DNTTIP1: variants seen among roughly 807,000 people sequenced by gnomAD.
DNTTIP1 encodes the protein deoxynucleotidyltransferase terminal-interacting protein 1.
In DNTTIP1, 22 loss-of-function variants were observed where a neutral mutation model predicts 52.9. The observed-to-expected ratio is 0.42, with a 90% CI of 0.30 to 0.59. The LOEUF (loss-of-function observed/expected upper bound fraction) is 0.59. Ranked by LOEUF, DNTTIP1 falls within the 20% of genes least tolerant of loss-of-function variation. DNTTIP1 has a pLI of 0.22. For synonymous variants in DNTTIP1, 136 were observed against 155.1 expected, an observed-to-expected ratio of 0.88 and a Z score of 0.92; for missense variants, 286 against 435.5, an observed-to-expected ratio of 0.66 and a Z score of 3.06.
In DNTTIP1 at chr20:45,792,041, C is replaced by T; in HGVS notation, c.37C>T (p.Pro13Ser). The T allele has an allele frequency of 2.3e-6, 3 of 1,278,888 alleles. No individual in the cohort carries two copies. Among genetic ancestry groups the T allele is most frequent in the Non-Finnish European group, 3.0e-6 (3 of 1,011,818 alleles). The allele number at this position is 1,278,888 out of a possible 1,614,324, so 79.2% of individuals were successfully genotyped here. A position where few individuals can be genotyped will look rare whatever the true frequency, so the allele number is the denominator to read the frequency against. The change falls in exon 1 of 13, where the codon CCT becomes TCT. Residue 13 changes from proline to serine, a missense_variant. Physicochemically the swap from Pro to Ser is moderately conservative, Grantham distance 74. Coordinates refer to ENST00000372622, the MANE Select transcript of DNTTIP1 (RefSeq NM_052951.3). ...TGGCGACGCCGAGCAGCCGCGGGGA[C>T]CTAGCGGGGCCGAGAGGGGCGGCTT... ...ATGDAEQPRG[P>S]SGAERGGLEL... is the part of the protein sequence containing the mutation.
chr20:45,809,040 A>G lies in DNTTIP1; in HGVS notation c.724-74A>G. 1.5e-6 allele frequency: 2 copies of G among 1,342,368 alleles called. No individual in the cohort carries two copies. Among genetic ancestry groups the G allele is most frequent in the Admixed American group, 1.7e-5 (1 of 57,928 alleles). The allele number at this position is 1,342,368 out of a possible 1,614,324, so 83.2% of individuals were successfully genotyped here. A position where few individuals can be genotyped will look rare whatever the true frequency, so the allele number is the denominator to read the frequency against. ...TTTGGTAAGAACTGCTCAAGGGCCAAGAGTATGCTCTGGGACCAAATGAGA... is the reference window on the plus strand; with the variant it reads ...TTTGGTAAGAACTGCTCAAGGGCCAGGAGTATGCTCTGGGACCAAATGAGA... On this transcript the variant is annotated intron_variant, in intron 10 of 12. Transcript: ENST00000372622. The surrounding 1 kb of genome is among the most constrained non-coding windows in gnomAD (Gnocchi z 4.2).
chr20:45,793,441 T>C (rs1356445444), intron 2 of DNTTIP1, among the ~76,000 whole-genome samples: 1 of 152,204 alleles, frequency 6.6e-6, no homozygotes, highest in Non-Finnish European at 1.5e-5. Context: ...GGCTCACGCC[T>C]GTAATCCCAG....
intron 4 of DNTTIP1, among the ~76,000 whole-genome samples, chr20:45,799,582 G>T (rs1292133542): frequency 1.3e-5 from 2 of 152,204 alleles, no homozygotes; most frequent in Non-Finnish European, 2.9e-5. Flanking sequence ...TTCTGAGCAA[G>T]GCCTTCCCTG....
At chr20:45,793,647 C>CCA (rs2145696331) in intron 2 of DNTTIP1, among the ~76,000 whole-genome samples, 1 of 152,222 alleles carries the variant, frequency 6.6e-6, no homozygotes, top group East Asian at 1.9e-4. Flanking sequence ...TTGCAGTGAG[C>CCA]CAAAACCACG....
At chr20:45,796,308 T>C (rs1035706546) in intron 4 of DNTTIP1, 1 of 361,682 alleles carries the variant, frequency 2.8e-6, no homozygotes, top group Non-Finnish European at 5.4e-6. Context: ...ATTCATCACA[T>C]TGTACACCTT....
chr20:45,805,087 T>G (rs191065150), intron 8 of DNTTIP1, 59 bp from the exon 9 acceptor site: 1 of 1,441,536 alleles, frequency 6.9e-7, no homozygotes, highest in East Asian at 2.3e-5. Context: ...GGAGGAGTGT[T>G]TCTGTCCTAC....
Position 45,811,200 on chromosome 20 carries a change from G to A in DNTTIP1, c.*5G>A, listed in dbSNP as rs568235916. ...GAAGCACCTCCACAGACCTGAGGCC[G>A]GGTCCCCTGGCCACACTTGGCAGCC... On this transcript the variant is annotated 3_prime_UTR_variant, in exon 13 of 13. Coordinates refer to ENST00000372622, the MANE Select transcript of DNTTIP1 (RefSeq NM_052951.3). 22 of 1,598,948 alleles carry A rather than the reference G, an allele frequency of 1.4e-5. No individual in the cohort carries two copies. The highest frequency in any genetic ancestry group is 6.7e-5 in the East Asian group (3 of 44,818).
At chr20:45,795,300 C>A in intron 3 of DNTTIP1, 45 bp from the exon 4 acceptor site, 2 of 1,148,354 alleles carry the variant, frequency 1.7e-6, no homozygotes, top group Non-Finnish European at 1.3e-6. Context: ...CAGGTTGATG[C>A]ACATTAACAG....
At chr20:45,794,856 G>A (rs1981181605) in intron 3 of DNTTIP1, among the ~76,000 whole-genome samples, 1 of 148,830 alleles carries the variant, frequency 6.7e-6, no homozygotes, top group African/African-American at 2.5e-5. Context: ...CTGGAGTGCA[G>A]TGGCACGGTC....
intron 10 of DNTTIP1, among the ~76,000 whole-genome samples, chr20:45,806,049 T>C (rs1981631575): frequency 6.7e-6 from 1 of 150,358 alleles, no homozygotes; most frequent in African/African-American, 2.5e-5. Context: ...ACTGCCCTCA[T>C]ATTTGCATTT....
At chr20:45,800,726 T>C (rs866837364) in intron 4 of DNTTIP1, among the ~76,000 whole-genome samples, 1 of 26,198 alleles carries the variant, frequency 3.8e-5, no homozygotes, top group African/African-American at 9.6e-5. Flanking sequence ...TATATATATA[T>C]ATATATATAT....
At chr20:45,792,249 T>G (rs1981045615) in intron 1 of DNTTIP1, 140 bp downstream of exon 1, 1 of 474,058 alleles carries the variant, frequency 2.1e-6, no homozygotes, top group South Asian at 1.1e-4. Flanking sequence ...GACCTGGATT[T>G]AAATTCTGGT....
At chr20:45,804,939 A>C (rs1981584279) in intron 8 of DNTTIP1, among the ~76,000 whole-genome samples, 3 of 152,196 alleles carry the variant, frequency 2.0e-5, no homozygotes, top group Admixed American at 1.3e-4. Flanking sequence ...CATCCTAGAA[A>C]ACAGAGACTG....
At chr20:45,810,153 T>C (rs368677011) in intron 11 of DNTTIP1, among the ~76,000 whole-genome samples, 7 of 152,198 alleles carry the variant, frequency 4.6e-5, no homozygotes, top group African/African-American at 1.2e-4. Flanking sequence ...GCCCATAAGA[T>C]GTAGACAAAT....
chr20:45,792,174 G>C, intron 1 of DNTTIP1, 65 bp downstream of exon 1: 1 of 1,011,584 alleles, frequency 9.9e-7, no homozygotes. Flanking sequence ...CTGGGACCCT[G>C]GCCCGCGGGC....
At chr20:45,798,827 G>A (rs1031530118) in intron 4 of DNTTIP1, among the ~76,000 whole-genome samples, 1 of 152,192 alleles carries the variant, frequency 6.6e-6, no homozygotes, top group African/African-American at 2.4e-5. Flanking sequence ...CCTGGAATAT[G>A]ACTCTTAGTA....
chr20:45,811,038 T>C lies in DNTTIP1; in HGVS notation c.852-19T>C, dbSNP rs1981826908. The C allele has an allele frequency of 1.2e-6, 2 of 1,613,262 alleles. No homozygotes were observed. Among genetic ancestry groups the C allele is most frequent in the African/African-American group, 2.7e-5 (2 of 75,038 alleles). On this transcript the variant is annotated intron_variant, in intron 12 of 12. Coordinates refer to ENST00000372622, the MANE Select transcript of DNTTIP1 (RefSeq NM_052951.3). ...ACATCCTCACTTCCCCCAACTTCTCTCTTCAATGTCTGTTCCAGAGGATGC... is the reference window on the plus strand; with the variant it reads ...ACATCCTCACTTCCCCCAACTTCTCCCTTCAATGTCTGTTCCAGAGGATGC...
intron 10 of DNTTIP1, among the ~76,000 whole-genome samples, chr20:45,808,696 A>G (rs1302429952): frequency 2.6e-5 from 4 of 152,174 alleles, no homozygotes; most frequent in Admixed American, 1.3e-4. Context: ...TGTAACTCCA[A>G]AACCGAATTC....
At chr20:45,806,844 C>A (rs1433012478) in intron 10 of DNTTIP1, among the ~76,000 whole-genome samples, 1 of 152,196 alleles carries the variant, frequency 6.6e-6, no homozygotes, top group Non-Finnish European at 1.5e-5. Context: ...CCACCCTTAT[C>A]TGCCTGACTA....
Sources: gnomAD v4.1 joint callset for allele counts (sites outside exome capture counted in the v4.1 genomes callset) on GRCh38, gnomAD v4.1.1 for gene constraint, Gnocchi (gnomAD v3.1) non-coding constraint, MANE v1.5 for transcripts, NCBI Gene and HGNC (gene_info 2026-07-23, HGNC 2026-07-21) for gene names.